SASH1: variants seen among roughly 807,000 people sequenced by gnomAD.
SASH1 encodes SAM and SH3 domain-containing protein 1.
SASH1 carries 44 observed loss-of-function variants against 125.2 expected under a neutral mutation model. The observed-to-expected ratio is 0.35, with a 90% CI of 0.28 to 0.45. The LOEUF is 0.45. SASH1 is among the 20% of genes least tolerant of loss of function. The pLI, the probability that SASH1 is intolerant of heterozygous loss-of-function variation, is 1.00. For synonymous variants in SASH1, 639 were observed against 649.1 expected, an observed-to-expected ratio of 0.98 and a Z score of 0.24; for missense variants, 1,426 against 1,614.5, an observed-to-expected ratio of 0.88 and a Z score of 2.00.
chr6:148,462,279 T>C (rs184736178), intron 4 of SASH1, among the ~76,000 whole-genome samples: 3 of 152,018 alleles, frequency 2.0e-5, no homozygotes, highest in East Asian at 3.9e-4. Flanking sequence ...ATAACCACTT[T>C]CCTTTCTTTT....
chr6:148,204,324 G>A, the SASH1 span, among the ~76,000 whole-genome samples: 10,243 of 152,210 alleles, frequency 0.067, 491 homozygotes, highest in Non-Finnish European at 0.1. Flanking sequence ...ATTTCACAGG[G>A]GAGAATTATC....
At chr6:148,206,758 C>G in the SASH1 span, among the ~76,000 whole-genome samples, 6 of 150,360 alleles carry the variant, frequency 4.0e-5, no homozygotes, top group South Asian at 1.3e-3. Context: ...CCACTCCACT[C>G]CAGCCTAAGC....
intron 9 of SASH1, among the ~76,000 whole-genome samples, chr6:148,516,862 A>G (rs1240468955): frequency 6.6e-6 from 1 of 151,972 alleles, no homozygotes. Context: ...CTCCCCCACC[A>G]GCTCTGGAGT....
At chr6:148,225,932 T>C in the SASH1 span, among the ~76,000 whole-genome samples, 2 of 152,230 alleles carry the variant, frequency 1.3e-5, no homozygotes, top group African/African-American at 4.8e-5. Context: ...GAAAGCTGTT[T>C]TCTAACAACA....
intron 1 of SASH1, among the ~76,000 whole-genome samples, chr6:148,370,977 A>G (rs1179063820): frequency 6.6e-6 from 1 of 152,210 alleles, no homozygotes; most frequent in Non-Finnish European, 1.5e-5. Context: ...GCTGTCATGA[A>G]AACACAATTG....
intron 8 of SASH1, among the ~76,000 whole-genome samples, chr6:148,504,099 T>G (rs1233936211): frequency 2.0e-5 from 3 of 152,134 alleles, no homozygotes; most frequent in African/African-American, 7.2e-5. Context: ...TAAAGTATCT[T>G]TAGTCTAAGG....
At position 148,434,370 on chromosome 6, in the gene SASH1, C is replaced by T. The variant is rs149087100; in HGVS notation, c.286-5814C>T. 5.6e-3 allele frequency among the ~76,000 whole-genome samples: 857 copies of T among 152,184 alleles called. 2 individuals carry two copies. Among genetic ancestry groups the T allele is most frequent in the Non-Finnish European group, 8.5e-3 (576 of 68,000 alleles). On this transcript the variant is annotated intron_variant, in intron 2 of 19. Coordinates refer to ENST00000367467, the MANE Select transcript of SASH1 (RefSeq NM_015278.5). Reference sequence around the variant, plus strand: ...GATTACAGGCATGAGCCACCGTGCGCGGCCTGGAGATCGTATTTTTAAGCT... The same window carrying T: ...GATTACAGGCATGAGCCACCGTGCGTGGCCTGGAGATCGTATTTTTAAGCT...
intron 8 of SASH1, among the ~76,000 whole-genome samples, chr6:148,490,741 C>T (rs1008482730): frequency 4.6e-5 from 7 of 152,128 alleles, no homozygotes; most frequent in South Asian, 2.1e-4. Context: ...GTTTTGAAAA[C>T]GCTGATGGTT....
At chr6:148,353,546 T>C (rs1342804727) in intron 1 of SASH1, among the ~76,000 whole-genome samples, 1 of 150,018 alleles carries the variant, frequency 6.7e-6, no homozygotes, top group Admixed American at 6.7e-5. Context: ...ATGATTCTCC[T>C]GCCTCAGCCT....
At chr6:148,274,154 C>T (rs188258652) in intron 1 of SASH1, among the ~76,000 whole-genome samples, 159 of 152,266 alleles carry the variant, frequency 1.0e-3, no homozygotes, top group African/African-American at 3.6e-3. Context: ...TGAGAGGTAA[C>T]AGTCATGCCC....
intron 1 of SASH1, among the ~76,000 whole-genome samples, chr6:148,311,696 C>T (rs1408451436): frequency 2.0e-5 from 3 of 151,936 alleles, no homozygotes; most frequent in South Asian, 2.1e-4. Flanking sequence ...TGCAGCTACT[C>T]GGGAGGCTGA....
chr6:148,434,883 A>C (rs1418432200), intron 2 of SASH1, among the ~76,000 whole-genome samples: 1 of 152,122 alleles, frequency 6.6e-6, no homozygotes, highest in African/African-American at 2.4e-5. Flanking sequence ...TTCCAAGCAA[A>C]GTTTATGTGC....
chr6:148,320,671 G>A (rs1780613375), intron 1 of SASH1, among the ~76,000 whole-genome samples: 1 of 152,174 alleles, frequency 6.6e-6, no homozygotes, highest in African/African-American at 2.4e-5. Flanking sequence ...CTTGAGCTTT[G>A]GGTTCAGCCA....
At chr6:148,264,256 A>G in the SASH1 span, among the ~76,000 whole-genome samples, 1 of 151,570 alleles carries the variant, frequency 6.6e-6, no homozygotes. Context: ...TGGTCTATAT[A>G]TCTATATCTC....
intron 16 of SASH1, among the ~76,000 whole-genome samples, chr6:148,537,070 G>C (rs953584655): frequency 1.3e-5 from 2 of 152,202 alleles, no homozygotes; most frequent in African/African-American, 4.8e-5. Flanking sequence ...TACAGTTAAA[G>C]TCATCGTGGC....
chr6:148,203,589 G>A, the SASH1 span, among the ~76,000 whole-genome samples: 6 of 152,300 alleles, frequency 3.9e-5, no homozygotes, highest in East Asian at 1.9e-4. Flanking sequence ...TTATATTAAC[G>A]TGTTTATGTT....
chr6:148,340,824 T>C (rs1034763566), upstream of SASH1, among the ~76,000 whole-genome samples: 1 of 152,136 alleles, frequency 6.6e-6, no homozygotes, highest in Non-Finnish European at 1.5e-5. Context: ...ATAATTCTTT[T>C]GGTTTCCTTT....
intron 4 of SASH1, among the ~76,000 whole-genome samples, chr6:148,467,823 G>T (rs1777917893): frequency 6.6e-6 from 1 of 152,146 alleles, no homozygotes. Flanking sequence ...TGTAATCTCA[G>T]CTACTTGGGA....
At position 148,532,258 on chromosome 6, in the gene SASH1, C is replaced by T. The variant is rs77253819; in HGVS notation, c.1565-539C>T. Among the ~76,000 whole-genome samples, 18 of 151,902 alleles carry T rather than the reference C, an allele frequency of 1.2e-4. No individual in the cohort carries two copies. The highest frequency in any genetic ancestry group is 7.7e-4 in the East Asian group (4 of 5,166). On this transcript the variant is annotated intron_variant, in intron 13 of 19. Coordinates refer to ENST00000367467, the MANE Select transcript of SASH1 (RefSeq NM_015278.5). The surrounding 1 kb of genome is among the most constrained non-coding windows in gnomAD (Gnocchi z 4.7). ...CACCCGGCTAATTTTGTTGTAGAGA[C>T]GGGGTTTTGCCATGTAGCCCAGGCT...
Sources: gnomAD v4.1 joint callset for allele counts (sites outside exome capture counted in the v4.1 genomes callset) on GRCh38, gnomAD v4.1.1 for gene constraint, Gnocchi (gnomAD v3.1) non-coding constraint, MANE v1.5 for transcripts, NCBI Gene and HGNC (gene_info 2026-07-23, HGNC 2026-07-21) for gene names.